CYTH3: variants seen among roughly 807,000 people sequenced by gnomAD.
CYTH3 encodes the protein cytohesin 3, also known as cytohesin-3.
CYTH3 carries 23 observed loss-of-function variants against 55.1 expected under a neutral mutation model. The ratio of observed to expected loss-of-function variants is 0.42; its 90% CI spans 0.30 to 0.59. The LOEUF (loss-of-function observed/expected upper bound fraction) is 0.59. Among genes scored for constraint, CYTH3 ranks in the 20% least tolerant of loss-of-function variants. The pLI is 0.20. For synonymous variants in CYTH3, 249 were observed against 194.9 expected (o/e 1.28, Z -2.31); for missense variants, 413 against 524.8 (o/e 0.79, Z 2.08).
At chr7:6,193,332 G>A (rs143052233) in intron 1 of CYTH3, among the ~76,000 whole-genome samples, 89 of 145,692 alleles carry the variant, frequency 6.1e-4, no homozygotes, top group African/African-American at 2.2e-3. Flanking sequence ...AGCCAAGATC[G>A]TGCCACTGCA....
At chr7:6,219,942 T>C (rs1353757984) in intron 1 of CYTH3, among the ~76,000 whole-genome samples, 2 of 152,174 alleles carry the variant, frequency 1.3e-5, no homozygotes, top group East Asian at 1.9e-4. Context: ...GACTGTGGTG[T>C]TGGCAGAGGG....
intron 1 of CYTH3, among the ~76,000 whole-genome samples, chr7:6,207,316 T>G (rs934770058): frequency 1.7e-4 from 26 of 151,950 alleles, no homozygotes; most frequent in Non-Finnish European, 3.7e-4. Flanking sequence ...GGATGGTCTC[T>G]ATCTCCTGAC....
chr7:6,186,935 G>A, intron 4 of CYTH3, 115 bp downstream of exon 4: 1 of 1,059,338 alleles, frequency 9.4e-7, no homozygotes, highest in Non-Finnish European at 1.4e-6. Context: ...TCAACTCCCA[G>A]TCTTTTATGA....
intron 4 of CYTH3, among the ~76,000 whole-genome samples, chr7:6,186,736 C>T (rs974269601): frequency 5.9e-5 from 9 of 152,146 alleles, no homozygotes; most frequent in African/African-American, 1.7e-4. Flanking sequence ...ATATGAGCCT[C>T]GACAGCAAGG....
At chr7:6,224,224 A>G (rs1038030546) in intron 1 of CYTH3, among the ~76,000 whole-genome samples, 6 of 151,326 alleles carry the variant, frequency 4.0e-5, no homozygotes, top group African/African-American at 1.5e-4. Context: ...CCTGAATGCT[A>G]TTAAGAGCCT....
chr7:6,183,916 A>T (rs1783569391), intron 4 of CYTH3, among the ~76,000 whole-genome samples: 1 of 152,094 alleles, frequency 6.6e-6, no homozygotes, highest in African/African-American at 2.4e-5. Flanking sequence ...GGATACAGCA[A>T]GAAGGCGGCT....
intron 1 of CYTH3, among the ~76,000 whole-genome samples, chr7:6,247,049 G>GTAAGGAAAGGTACTGGCTCACA (rs1167552022): frequency 6.6e-6 from 1 of 152,228 alleles, no homozygotes. Flanking sequence ...GCCTTAAACA[G>GTAAGGAAAGGTACTGGCTCACA]TAAGGAAAGG....
chr7:6,250,417 G>A (rs1250250053), intron 1 of CYTH3, among the ~76,000 whole-genome samples: 2 of 152,172 alleles, frequency 1.3e-5, no homozygotes, highest in African/African-American at 2.4e-5. Context: ...ATTCAACCAT[G>A]TGACAGAGGT....
At chr7:6,226,402 G>C (rs1425667983) in intron 1 of CYTH3, among the ~76,000 whole-genome samples, 2 of 152,162 alleles carry the variant, frequency 1.3e-5, no homozygotes, top group Non-Finnish European at 2.9e-5. Flanking sequence ...CTAAAAGGTG[G>C]AACACTTGAG....
At chr7:6,263,099 C>T (rs1464728999) in intron 1 of CYTH3, among the ~76,000 whole-genome samples, 4 of 152,132 alleles carry the variant, frequency 2.6e-5, no homozygotes, top group Admixed American at 2.6e-4. Context: ...ACAGTATGTC[C>T]ATCTGATTCT....
At chr7:6,172,288 A>G (rs1391443480) in intron 6 of CYTH3, among the ~76,000 whole-genome samples, 1 of 151,716 alleles carries the variant, frequency 6.6e-6, no homozygotes, top group East Asian at 1.9e-4. Flanking sequence ...CTCTCTTCCC[A>G]GGATTCCAGC....
intron 1 of CYTH3, among the ~76,000 whole-genome samples, chr7:6,193,598 G>A (rs1053159253): frequency 2.0e-5 from 3 of 152,164 alleles, no homozygotes; most frequent in Non-Finnish European, 4.4e-5. Context: ...CCTAATTTAC[G>A]TGAGAGAATC....
chr7:6,199,532 C>A (rs1784012810), intron 1 of CYTH3, among the ~76,000 whole-genome samples: 1 of 152,094 alleles, frequency 6.6e-6, no homozygotes, highest in Admixed American at 6.5e-5. Context: ...AAATTCTACA[C>A]CCTGCAAAAT....
intron 1 of CYTH3, among the ~76,000 whole-genome samples, chr7:6,220,932 G>C (rs944830664): frequency 6.6e-6 from 1 of 151,982 alleles, no homozygotes; most frequent in Non-Finnish European, 1.5e-5. Context: ...GGAGGCAAAG[G>C]TTGAAGTAAG....
chr7:6,185,681 CAG>C (rs1562885159), intron 4 of CYTH3, among the ~76,000 whole-genome samples: 2 of 145,280 alleles, frequency 1.4e-5, no homozygotes, highest in Non-Finnish European at 3.0e-5. Context: ...GCCTGGGCAA[CAG>C]AGTTAGACTC....
At chr7:6,168,210 C>T (rs1783066285) in intron 9 of CYTH3, among the ~76,000 whole-genome samples, 1 of 150,806 alleles carries the variant, frequency 6.6e-6, no homozygotes, top group Non-Finnish European at 1.5e-5. Context: ...GATTGGGCCA[C>T]CTCCTAGGAT....
At chr7:6,253,486 A>G (rs34939060) in intron 1 of CYTH3, among the ~76,000 whole-genome samples, 20,716 of 151,918 alleles carry the variant, frequency 0.14, 2,379 homozygotes, top group African/African-American at 0.31. Flanking sequence ...TGAAATTACC[A>G]GCCTGATCCA....
chr7:6,172,794 G>A (rs376872671), intron 6 of CYTH3: 35 of 1,280,132 alleles, frequency 2.7e-5, no homozygotes, highest in Non-Finnish European at 3.5e-5. Flanking sequence ...CCTGAACTGC[G>A]GCTGCAGGAT....
chr7:6,177,838 T>C lies in CYTH3; in HGVS notation c.353A>G (p.Asp118Gly), dbSNP rs757161085. 1.2e-6 allele frequency: 2 copies of C among 1,613,912 alleles called. No individual in the cohort carries two copies. Among genetic ancestry groups the C allele is most frequent in the Non-Finnish European group, 1.7e-6 (2 of 1,179,774 alleles). ...TCTAACTCACCTTTCACCCAGGTAG[T>C]CCCCAATGACGGTCTTATTTAGGCC... Reference protein sequence around the residue: ...GEGLNKTVIGDYLGERDEFNI... With the variant: ...GEGLNKTVIGGYLGERDEFNI... Residue 118 changes from aspartate (D) to glycine (G), a missense_variant, in exon 5 of 13, where the codon GAC becomes GGC. Physicochemically the swap from Asp to Gly is moderately conservative, Grantham distance 94. This residue lies in a region of CYTH3 where 152 missense variants were observed against 148.1 expected (regional missense o/e 1.03). Coordinates refer to ENST00000350796, the MANE Select transcript of CYTH3 (RefSeq NM_004227.4).
Sources: allele counts gnomAD v4.1 joint callset (sites outside exome capture counted in the v4.1 genomes callset), GRCh38; gene constraint gnomAD v4.1.1; regional missense constraint gnomAD v4.1.1; transcripts MANE v1.5; gene names NCBI Gene and HGNC (gene_info 2026-07-23, HGNC 2026-07-21).